The following LILRB1 variants were observed in gnomAD, a reference collection of about 807,000 sequenced individuals.
LILRB1 encodes the protein leukocyte immunoglobulin-like receptor subfamily B member 1.
Under a neutral mutation model 74.6 loss-of-function variants are expected in LILRB1, and 59 were observed. The observed-to-expected ratio is 0.79, with a 90% CI of 0.64 to 0.98. LILRB1 has a LOEUF of 0.98. Ranked by LOEUF, LILRB1 falls within the 50% of genes least tolerant of loss-of-function variation. LILRB1 has a pLI of 0.00. For synonymous variants in LILRB1, 328 were observed against 333.9 expected (o/e 0.98, Z 0.19); for missense variants, 804 against 822.6 (o/e 0.98, Z 0.28).
At chr19:54,624,808 G>C (rs1193285125) in intron 1 of LILRB1, among the ~76,000 whole-genome samples, 3 of 152,130 alleles carry the variant, frequency 2.0e-5, no homozygotes, top group Non-Finnish European at 1.5e-5. Flanking sequence ...AGGCGGGGCA[G>C]GCAGAAGGCT....
intron 1 of LILRB1, among the ~76,000 whole-genome samples, chr19:54,625,107 C>T: frequency 7.4e-6 from 1 of 136,048 alleles, no homozygotes; most frequent in Non-Finnish European, 1.7e-5. Flanking sequence ...GGGACAGAGG[C>T]AGAGGTGGCA....
chr19:54,636,116 G>A lies in LILRB1; in HGVS notation c.1654-378G>A, dbSNP rs575519933. 1,206 of 565,228 alleles carry A rather than the reference G, an allele frequency of 2.1e-3. 23 individuals carry two copies. The highest frequency in any genetic ancestry group is 0.018 in the South Asian group (1,117 of 62,108). 35.0% of individuals were successfully genotyped at this position (565,228 alleles called of 1,614,324 possible). A position where few individuals can be genotyped will look rare whatever the true frequency, so the allele number is the denominator to read the frequency against. Reference sequence around the variant, plus strand: ...AACCAGAGAAAGGGCAGAGAGTGTGGGGCAGTGGGGCCAGTCTGAATGGAA... The same window carrying A: ...AACCAGAGAAAGGGCAGAGAGTGTGAGGCAGTGGGGCCAGTCTGAATGGAA... On this transcript the variant is annotated intron_variant, in intron 13 of 14. Transcript: ENST00000324602.
At chr19:54,628,610 A>T (rs1459128616), upstream of LILRB1, among the ~76,000 whole-genome samples, 1 of 152,184 alleles carries the variant, frequency 6.6e-6, no homozygotes, top group African/African-American at 2.4e-5. Flanking sequence ...AGAGACTCAT[A>T]GGAGGAGGCA....
chr19:54,617,570 T>A (rs1372521953), intron 1 of LILRB1, among the ~76,000 whole-genome samples: 1 of 151,156 alleles, frequency 6.6e-6, no homozygotes, highest in African/African-American at 2.4e-5. Flanking sequence ...TGTGTGTGTG[T>A]GTGTGTGTGT....
At chr19:54,627,538 G>C (rs386810935), upstream of LILRB1, among the ~76,000 whole-genome samples, 3 of 152,152 alleles carry the variant, frequency 2.0e-5, no homozygotes, top group Non-Finnish European at 4.4e-5. Context: ...GCTTTGACGA[G>C]GTTTATCACT....
chr19:54,634,247 C>A lies in LILRB1; in HGVS notation c.1363+226C>A, dbSNP rs1478910413. 2.0e-6 allele frequency: 3 copies of A among 1,502,484 alleles called. No homozygotes were observed. In the East Asian group the frequency reaches 7.4e-5, roughly 37 times the overall value. The allele number at this position is 1,502,484 out of a possible 1,614,324, so 93.1% of individuals were successfully genotyped here. A position where few individuals can be genotyped will look rare whatever the true frequency, so the allele number is the denominator to read the frequency against. ...TGGGAGAGGAGGCCTCCCAGGGAAC[C>A]TCCCAGACCCGATTCCGCGGGGGCC... On this transcript the variant is annotated intron_variant, in intron 9 of 14. Transcript: ENST00000324602.
At chr19:54,627,350 AC>A (rs1449700518), upstream of LILRB1, among the ~76,000 whole-genome samples, 1 of 152,150 alleles carries the variant, frequency 6.6e-6, no homozygotes, top group Non-Finnish European at 1.5e-5. Flanking sequence ...CACTGCAGAC[AC>A]CCAATAGGAA....
At chr19:54,631,391 C>T in intron 3 of LILRB1, 85 bp downstream of exon 3, 1 of 1,612,872 alleles carries the variant, frequency 6.2e-7, no homozygotes, top group East Asian at 2.2e-5. Context: ...TGGGGAATAG[C>T]AGTTCTGGGC....
At chr19:54,621,174 C>T (rs996991467) in intron 1 of LILRB1, among the ~76,000 whole-genome samples, 13 of 152,178 alleles carry the variant, frequency 8.5e-5, no homozygotes, top group African/African-American at 2.7e-4. Context: ...ACACCTGACC[C>T]AATTGTCTTT....
Position 54,633,050 on chromosome 19 carries a change from G to T in LILRB1, c.993G>T (p.Gln331His), listed in dbSNP as rs200440541. 140 of 1,614,110 alleles carry T rather than the reference G, an allele frequency of 8.7e-5. No individual in the cohort carries two copies. The East Asian group carries it at 1.2e-3, about 14-fold the overall frequency. ...QFYDRVSLSV[Q>H]PGPTVASGEN... ...ATGACAGAGTCTCCCTCTCGGTGCA[G>T]CCGGGCCCCACGGTGGCCTCAGGAG... is the stretch of plus-strand genomic sequence containing the variant. The change falls in exon 7 of 15, where the codon CAG becomes CAT. Residue 331 changes from glutamine to histidine, a missense_variant. Gln to His is a conservative substitution (Grantham distance 24, BLOSUM62 0). Transcript: ENST00000324602.
chr19:54,623,017 TTG>T (rs1381095150), intron 1 of LILRB1, among the ~76,000 whole-genome samples: 1 of 152,218 alleles, frequency 6.6e-6, no homozygotes, highest in African/African-American at 2.4e-5. Flanking sequence ...TCAAGCCAAC[TTG>T]ATCATGATGA....
At chr19:54,634,516 G>T (rs527252420) in intron 9 of LILRB1, 125 bp from the exon 10 acceptor site, 1 of 1,527,496 alleles carries the variant, frequency 6.5e-7, no homozygotes, top group African/African-American at 1.4e-5. Context: ...TGGGGTGGAT[G>T]TTTCTGTGCT....
At chr19:54,635,801 G>A (rs193270867) in intron 13 of LILRB1, 192 bp downstream of exon 13, 31,378 of 750,298 alleles carry the variant, frequency 0.042, 892 homozygotes, top group Non-Finnish European at 0.054. Context: ...GCCTCCTCCC[G>A]GGTCCCCTTC....
upstream of LILRB1, among the ~76,000 whole-genome samples, chr19:54,626,990 C>G (rs1008155058): frequency 1.0e-3 from 157 of 151,644 alleles, no homozygotes; most frequent in South Asian, 0.022. Flanking sequence ...TGGCTCAATG[C>G]TGAGTGTGGC....
At chr19:54,635,516 G>C (rs1387050659) in intron 12 of LILRB1, 41 bp from the exon 13 acceptor site, 1 of 1,591,864 alleles carries the variant, frequency 6.3e-7, no homozygotes, top group African/African-American at 1.3e-5. Context: ...AGGTCCCAGG[G>C]AACCTTCCCA....
In LILRB1 at chr19:54,637,219, A is replaced by G. The variant is rs1310158671; in HGVS notation, c.*341A>G. The G allele has an allele frequency of 3.7e-6, 1 of 266,910 alleles. No individual in the cohort carries two copies. Among genetic ancestry groups the G allele is most frequent in the Non-Finnish European group, 7.1e-6 (1 of 140,360 alleles). The allele number at this position is 266,910 out of a possible 1,614,324, so 16.5% of individuals were successfully genotyped here. On this transcript the variant is annotated 3_prime_UTR_variant, in exon 15 of 15. Coordinates refer to ENST00000324602, the MANE Select transcript of LILRB1 (RefSeq NM_001081637.3). The stretch of plus-strand genomic sequence containing the variant: ...AAAGAAAAAAAGTAGGAAATGAATG[A>G]TCTTGGCTTTCCTATAAGAAATTTA...
intron 1 of LILRB1, among the ~76,000 whole-genome samples, chr19:54,624,252 G>GCCCT (rs1568567179): frequency 1.3e-5 from 2 of 152,168 alleles, no homozygotes; most frequent in East Asian, 3.9e-4. Context: ...AGGTCTCTGC[G>GCCCT]GGGGGTGAAG....
chr19:54,618,100 C>CAAAAAAAAA (rs1202106742), intron 1 of LILRB1, among the ~76,000 whole-genome samples: 3 of 78,016 alleles, frequency 3.8e-5, no homozygotes, highest in Non-Finnish European at 4.8e-5. Context: ...GCCCCTGCCT[C>CAAAAAAAAA]AAAAAAAAAA....
At chr19:54,629,910 A>G (rs962705728), upstream of LILRB1, among the ~76,000 whole-genome samples, 2 of 148,432 alleles carry the variant, frequency 1.3e-5, no homozygotes, top group African/African-American at 5.0e-5. Flanking sequence ...AGATGGACAA[A>G]TACACGTCCA....
Sources: gnomAD v4.1 joint callset for allele counts (sites outside exome capture counted in the v4.1 genomes callset) on GRCh38, gnomAD v4.1.1 for gene constraint, MANE v1.5 for transcripts, NCBI Gene and HGNC (gene_info 2026-07-23, HGNC 2026-07-21) for gene names.